XKR9: variants seen among roughly 807,000 people sequenced by gnomAD.
The protein encoded by XKR9 is XK-related protein 9.
A neutral mutation model predicts 32.0 loss-of-function variants in XKR9; 32 were observed. That is an observed-to-expected ratio of 1.00 (90% confidence interval 0.76 to 1.34). The LOEUF is 1.34. Ranked by LOEUF, XKR9 falls within the 40% of genes most tolerant of loss-of-function variation. The pLI, the probability that XKR9 is intolerant of heterozygous loss-of-function variation, is 0.00. For synonymous variants in XKR9, 168 were observed against 143.4 expected (o/e 1.17, Z -1.22); for missense variants, 546 against 429.7 (o/e 1.27, Z -2.39).
At chr8:70,803,931 C>A in the XKR9 span, among the ~76,000 whole-genome samples, 2 of 152,152 alleles carry the variant, frequency 1.3e-5, no homozygotes, top group South Asian at 4.1e-4. Context: ...AGGTGTTGCC[C>A]TCCTGGCAAC....
chr8:70,978,740 T>C, the XKR9 span, among the ~76,000 whole-genome samples: 1 of 152,182 alleles, frequency 6.6e-6, no homozygotes, highest in South Asian at 2.1e-4. Flanking sequence ...GAGGAGTATC[T>C]GTGTGGTATT....
chr8:70,887,870 CA>C, the XKR9 span, among the ~76,000 whole-genome samples: 1 of 152,072 alleles, frequency 6.6e-6, no homozygotes, highest in Non-Finnish European at 1.5e-5. Flanking sequence ...CGTCTGCAAA[CA>C]GAGACAATTT....
the XKR9 span, among the ~76,000 whole-genome samples, chr8:70,912,520 T>C: frequency 6.6e-6 from 1 of 152,078 alleles, no homozygotes; most frequent in Non-Finnish European, 1.5e-5. Context: ...TAGCAATTCA[T>C]GGAGATAGGA....
At chr8:70,995,197 A>G in the XKR9 span, among the ~76,000 whole-genome samples, 3 of 152,202 alleles carry the variant, frequency 2.0e-5, no homozygotes, top group Non-Finnish European at 4.4e-5. Flanking sequence ...AAGGAAGCAA[A>G]TAAAACTTAA....
the XKR9 span, among the ~76,000 whole-genome samples, chr8:70,831,598 T>G: frequency 6.6e-6 from 1 of 152,186 alleles, no homozygotes; most frequent in African/African-American, 2.4e-5. Flanking sequence ...CTTCATGATT[T>G]GTGCAGATAT....
the XKR9 span, among the ~76,000 whole-genome samples, chr8:70,835,264 A>G: frequency 4.6e-5 from 7 of 152,118 alleles, no homozygotes; most frequent in Non-Finnish European, 1.0e-4. Flanking sequence ...TTTGACTGGG[A>G]AAAGAAATAA....
chr8:70,736,305 T>A (rs558899424), downstream of XKR9, among the ~76,000 whole-genome samples: 880 of 136,304 alleles, frequency 6.5e-3, 3 homozygotes, highest in Non-Finnish European at 0.011. Context: ...GCCCACTTTT[T>A]GATGGGGTTG....
chr8:70,808,289 G>A, the XKR9 span, among the ~76,000 whole-genome samples: 1 of 152,124 alleles, frequency 6.6e-6, no homozygotes, highest in South Asian at 2.1e-4. Context: ...AACAGTTATA[G>A]CACTAGATGC....
chr8:70,913,029 G>A, the XKR9 span, among the ~76,000 whole-genome samples: 2 of 152,106 alleles, frequency 1.3e-5, no homozygotes, highest in Non-Finnish European at 2.9e-5. Context: ...TAACAGTTCA[G>A]GAAATTAAAA....
chr8:70,681,651 A>G (rs1819088051), intron 3 of XKR9, among the ~76,000 whole-genome samples: 1 of 152,108 alleles, frequency 6.6e-6, no homozygotes, highest in Admixed American at 6.6e-5. Flanking sequence ...TTGTGTAAAT[A>G]TGGCATTTCA....
chr8:70,764,699 G>A (rs571764442), intron 2 of XKR9, among the ~76,000 whole-genome samples: 81 of 152,084 alleles, frequency 5.3e-4, no homozygotes, highest in African/African-American at 1.8e-3. Flanking sequence ...CCATCAAGCC[G>A]TCATCTACAT....
intron 4 of XKR9, among the ~76,000 whole-genome samples, chr8:70,727,452 G>A (rs1228650878): frequency 2.0e-5 from 3 of 151,912 alleles, no homozygotes; most frequent in Non-Finnish European, 4.4e-5. Flanking sequence ...CCAGGCTGGA[G>A]TGCAGTGGCG....
At chr8:70,806,480 G>T in the XKR9 span, among the ~76,000 whole-genome samples, 1 of 152,178 alleles carries the variant, frequency 6.6e-6, no homozygotes, top group Admixed American at 6.5e-5. Flanking sequence ...TGAGCTAAAA[G>T]ATCAAGTTCT....
chr8:71,003,641 G>A, the XKR9 span, among the ~76,000 whole-genome samples: 3 of 152,170 alleles, frequency 2.0e-5, no homozygotes, highest in African/African-American at 7.2e-5. Flanking sequence ...ACCTGGAATA[G>A]TGTGTAGCAT....
chr8:70,956,585 G>C, the XKR9 span, among the ~76,000 whole-genome samples: 1 of 152,262 alleles, frequency 6.6e-6, no homozygotes, highest in South Asian at 2.1e-4. Flanking sequence ...TTAACATGCT[G>C]TCCATGGTGC....
the XKR9 span, among the ~76,000 whole-genome samples, chr8:70,828,908 C>T: frequency 6.6e-6 from 1 of 152,128 alleles, no homozygotes; most frequent in Admixed American, 6.5e-5. Context: ...TTTTCCACCT[C>T]TACCTGTTAT....
chr8:70,773,991 T>G (rs1807486933), intron 2 of XKR9, among the ~76,000 whole-genome samples: 1 of 132,554 alleles, frequency 7.5e-6, no homozygotes, highest in Non-Finnish European at 1.8e-5. Context: ...TTTAATACTT[T>G]TCAATTTTTC....
At chr8:70,669,749 C>T (rs1818641507) in intron 1 of XKR9, among the ~76,000 whole-genome samples, 1 of 149,080 alleles carries the variant, frequency 6.7e-6, no homozygotes, top group Non-Finnish European at 1.5e-5. Flanking sequence ...TCACTGCAAG[C>T]CCCGCCTCCC....
the XKR9 span, among the ~76,000 whole-genome samples, chr8:70,805,487 C>A: frequency 6.6e-6 from 1 of 152,194 alleles, no homozygotes; most frequent in Non-Finnish European, 1.5e-5. Flanking sequence ...CCGGGACTCA[C>A]AACTGCCTAA....
Sources: allele counts gnomAD v4.1 joint callset (sites outside exome capture counted in the v4.1 genomes callset), GRCh38; gene constraint gnomAD v4.1.1; transcripts MANE v1.5; gene names NCBI Gene and HGNC (gene_info 2026-07-23, HGNC 2026-07-21).